The following THAP4 variants were observed in gnomAD, a reference collection of about 807,000 sequenced individuals.
THAP4 encodes peroxynitrite isomerase THAP4.
In THAP4, 18 loss-of-function variants were observed where a neutral mutation model predicts 48.1. The ratio of observed to expected loss-of-function variants is 0.37; its 90% confidence interval spans 0.26 to 0.56. The LOEUF (loss-of-function observed/expected upper bound fraction) is 0.56. THAP4 is among the 20% of genes least tolerant of loss of function. THAP4 has a pLI of 0.78. For missense variants in THAP4, 656 were observed against 774.9 expected (o/e 0.85, Z 1.82); for synonymous variants, 345 against 324.9 (o/e 1.06, Z -0.66).
intron 5 of THAP4, among the ~76,000 whole-genome samples, chr2:241,591,431 T>C (rs1038189093): frequency 6.6e-6 from 1 of 152,210 alleles, no homozygotes; most frequent in Non-Finnish European, 1.5e-5. Context: ...ACACTTGAAG[T>C]GTATGCATTT....
intron 5 of THAP4, chr2:241,592,250 G>A (rs74491874): frequency 0.17 from 25,352 of 152,386 alleles, 2,287 homozygotes; most frequent in South Asian, 0.37. Flanking sequence ...CCTCGTCTCA[G>A]GGCTGCTGCA....
rs753332130 is a variant in THAP4 at position 241,636,957 on chromosome 2, C to G, written c.61G>C (p.Ala21Pro). The G allele has an allele frequency of 7.7e-7, 1 of 1,304,546 alleles. No individual in the cohort carries two copies. Among genetic ancestry groups the G allele is most frequent in the South Asian group, 1.3e-5 (1 of 77,810 alleles). 80.8% of individuals were successfully genotyped at this position (1,304,546 alleles called of 1,614,324 possible). Residue 21 changes from alanine to proline, a missense_variant, in exon 1 of 6, where the codon GCC becomes CCC. This residue lies in a region of THAP4 where 59 missense variants were observed against 45.8 expected (regional missense o/e 1.29). Transcript: ENST00000407315. The part of the protein sequence containing the change: ...SNRQGKGEKR[A>P]VSFHRFPLKD... ...CCCGCGTACCTGTGGAAGGAGACGG[C>G]GCGCTTCTCGCCCTTTCCCTGCCGG...
intron 5 of THAP4, among the ~76,000 whole-genome samples, chr2:241,589,703 AC>A (rs982696790): frequency 6.6e-5 from 10 of 151,736 alleles, no homozygotes; most frequent in Non-Finnish European, 1.2e-4. Context: ...AGGAAAAAAA[AC>A]ATGTGTCCAC....
rs112168259 is a variant in THAP4, at chr2:241,629,960, T to G, written c.1240+2957A>C. Among the ~76,000 whole-genome samples, 1,470 of 150,906 alleles carry G rather than the reference T, an allele frequency of 9.7e-3. 20 individuals are homozygous for G. The highest frequency in any genetic ancestry group is 0.034 in the African/African-American group (1,403 of 40,988). The stretch of plus-strand genomic sequence containing the variant: ...AGGCGGGAACAATATAACCAAGGAG[T>G]GGTGAGGATACATTCTTCTAGCACT... On this transcript the variant is annotated intron_variant, in intron 2 of 5. Transcript: ENST00000407315.
intron 2 of THAP4, among the ~76,000 whole-genome samples, chr2:241,624,445 C>CCA (rs2067470824): frequency 6.6e-6 from 1 of 151,826 alleles, no homozygotes; most frequent in Admixed American, 6.6e-5. Context: ...CGAGATCGCG[C>CCA]CACTGTACTC....
Position 241,584,724 on chromosome 2 carries a change from A to G in THAP4, c.1616T>C (p.Ile539Thr). The change falls in exon 6 of 6, where the codon ATC (isoleucine) becomes ACC (threonine). Residue 539 changes from isoleucine (I) to threonine (T), a missense_variant and splice_region_variant. Around this residue, in one of 4 missense-constraint regions of THAP4, gnomAD observed 176 missense variants for 256.7 expected, o/e 0.69. Transcript: ENST00000407315. ...SFAKEPHVEQ[I>T]TRKFRLNSEG... is the part of the protein sequence containing the mutation. ...AGAATTCAGCCTGAACTTCCGGGTG[A>G]TCTGAGCAGGAGAATGGAACAAAGA... 6.2e-7 allele frequency: 1 copy of G among 1,614,192 alleles called. No homozygotes were observed. The highest frequency in any genetic ancestry group is 8.5e-7 in the Non-Finnish European group (1 of 1,180,036).
intron 2 of THAP4, among the ~76,000 whole-genome samples, chr2:241,624,516 C>CA (rs1450931522): frequency 6.6e-6 from 1 of 151,762 alleles, no homozygotes; most frequent in East Asian, 1.9e-4. Context: ...AATAAACAGT[C>CA]AGAGGAAGAG....
intron 2 of THAP4, among the ~76,000 whole-genome samples, chr2:241,615,964 A>G (rs922186714): frequency 5.3e-5 from 8 of 152,140 alleles, no homozygotes; most frequent in African/African-American, 1.7e-4. Context: ...GCCTGGAAGC[A>G]AGGAGGGCGC....
chr2:241,593,859 GTAT>G (rs1235272474), intron 5 of THAP4, among the ~76,000 whole-genome samples: 3 of 151,972 alleles, frequency 2.0e-5, no homozygotes, highest in Non-Finnish European at 2.9e-5. Flanking sequence ...GCTACTTTTT[GTAT>G]TTTTTGTGAA....
intron 5 of THAP4, among the ~76,000 whole-genome samples, chr2:241,591,061 C>T (rs1342671881): frequency 6.6e-6 from 1 of 151,904 alleles, no homozygotes; most frequent in African/African-American, 2.4e-5. Context: ...CTAGGACACT[C>T]AGAGCTGCTC....
At chr2:241,602,144 C>T (rs2067122642) in intron 4 of THAP4, 145 bp from the exon 5 acceptor site, 1 of 735,520 alleles carries the variant, frequency 1.4e-6, no homozygotes, top group East Asian at 2.7e-5. Context: ...CTCCTCCCCA[C>T]TTCACCCTGT....
At chr2:241,631,693 G>A (rs1415388440) in intron 2 of THAP4, among the ~76,000 whole-genome samples, 2 of 152,112 alleles carry the variant, frequency 1.3e-5, no homozygotes, top group Non-Finnish European at 2.9e-5. Flanking sequence ...TTGAACTTCT[G>A]GACTCAAGTA....
At position 241,616,315 on chromosome 2, in the gene THAP4, C is replaced by T. The variant is rs1240793209; in HGVS notation, c.1241-9842G>A. Among the ~76,000 whole-genome samples the T allele has an allele frequency of 6.6e-6, 1 of 152,150 alleles. No homozygotes were observed. The highest frequency in any genetic ancestry group is 1.5e-5 in the Non-Finnish European group (1 of 68,026). On this transcript the variant is annotated intron_variant, in intron 2 of 5. Coordinates refer to ENST00000407315, the MANE Select transcript of THAP4 (RefSeq NM_015963.6). The surrounding 1 kb of genome is among the most constrained non-coding windows in gnomAD (Gnocchi z 4.6). ...CATTGCTGGCAGCTTGGAAGGCGAC[C>T]CGTGACATCAGTGAGAAGGGCGGGT... is the stretch of plus-strand genomic sequence containing the variant.
rs1424351120 is a variant in THAP4 at position 241,625,807 on chromosome 2, AAAAAAAAAAAAAAAAAAG to A, written c.1240+7092_1240+7109del. Among the ~76,000 whole-genome samples, 525 of 147,662 alleles carry A rather than the reference AAAAAAAAAAAAAAAAAAG, an allele frequency of 3.6e-3. 7 individuals are homozygous for A. The highest frequency in any genetic ancestry group is 0.012 in the African/African-American group (498 of 40,486). ...AGCAAGACTCCGTCTCAAAAAAAAA[AAAAAAAAAAAAAAAAAAG>A]AAAAAAGAAAACTACAGACAAATAT... On this transcript the variant is annotated intron_variant, in intron 2 of 5. Coordinates refer to ENST00000407315, the MANE Select transcript of THAP4 (RefSeq NM_015963.6).
chr2:241,607,711 C>G (rs557622823), intron 2 of THAP4, among the ~76,000 whole-genome samples: 1 of 128,564 alleles, frequency 7.8e-6, no homozygotes, highest in Non-Finnish European at 1.7e-5. Flanking sequence ...GACGGACTGA[C>G]GGGGACAGGA....
chr2:241,607,421 G>A (rs907597630), intron 2 of THAP4, among the ~76,000 whole-genome samples: 1 of 151,898 alleles, frequency 6.6e-6, no homozygotes, highest in Non-Finnish European at 1.5e-5. Flanking sequence ...GGGGACCACA[G>A]GAAAGCCCCA....
intron 5 of THAP4, among the ~76,000 whole-genome samples, chr2:241,596,608 C>T (rs988257542): frequency 1.3e-5 from 2 of 149,892 alleles, no homozygotes; most frequent in Non-Finnish European, 3.0e-5. Flanking sequence ...AGATGGAGAC[C>T]ATCCTGGCTA....
intron 5 of THAP4, among the ~76,000 whole-genome samples, chr2:241,597,199 C>T (rs2067061068): frequency 4.6e-5 from 7 of 152,244 alleles, no homozygotes; most frequent in African/African-American, 1.7e-4. Flanking sequence ...GGCGCGATCT[C>T]GGCTCACTGC....
chr2:241,601,816 T>A lies in THAP4; in HGVS notation c.1614+80A>T. On this transcript the variant is annotated intron_variant, in intron 5 of 5. Coordinates refer to ENST00000407315, the MANE Select transcript of THAP4 (RefSeq NM_015963.6). The surrounding 1 kb of genome is among the most constrained non-coding windows in gnomAD (Gnocchi z 4.0). ...ACACAGTGGCAAGACACGCACTACC[T>A]CACGGAAGAGGAAGAGGCTGACTCC... The A allele has an allele frequency of 1.9e-6, 3 of 1,584,704 alleles. No homozygotes were observed. In the South Asian group the frequency reaches 3.4e-5, roughly 18 times the overall value.
Sources: gnomAD v4.1 joint callset for allele counts (sites outside exome capture counted in the v4.1 genomes callset) on GRCh38, gnomAD v4.1.1 for gene constraint, gnomAD v4.1.1 regional missense constraint, Gnocchi (gnomAD v3.1) non-coding constraint, MANE v1.5 for transcripts, NCBI Gene and HGNC (gene_info 2026-07-23, HGNC 2026-07-21) for gene names.